Variants in HOXC4 observed in about 807,000 individuals in gnomAD.
The protein encoded by HOXC4 is homeobox protein Hox-C4.
HOXC4 carries 15 observed loss-of-function variants against 25.5 expected under a neutral mutation model. That is an observed-to-expected ratio of 0.59 (90% CI 0.39 to 0.91). The LOEUF (loss-of-function observed/expected upper bound fraction) is 0.91, where lower values mean the gene tolerates loss of function less well. HOXC4 is among the 40% of genes least tolerant of loss of function. HOXC4 has a pLI of 0.00. For missense variants in HOXC4, 342 were observed against 352.4 expected, an observed-to-expected ratio of 0.97 and a Z score of 0.24; for synonymous variants, 165 against 148.0, an observed-to-expected ratio of 1.11 and a Z score of -0.83.
rs556350746 is a variant in HOXC4, at chr12:54,054,727, G to C, written c.440-123G>C. ...TTCAACTTCTTTATAACCCATTTAA[G>C]CTTGATGACTTTATTTCCACCACTC... On this transcript the variant is annotated intron_variant, in intron 1 of 1. Coordinates refer to ENST00000430889, the MANE Select transcript of HOXC4 (RefSeq NM_153633.3). 9 of 665,754 alleles carry C rather than the reference G, an allele frequency of 1.4e-5. 1 individual carries two copies. In the South Asian group the frequency reaches 1.8e-4, roughly 13 times the overall value. The allele number at this position is 665,754 out of a possible 1,614,324, so 41.2% of individuals were successfully genotyped here. A position where few individuals can be genotyped will look rare whatever the true frequency, so the allele number is the denominator to read the frequency against.
chr12:54,029,750 C>G, intron 1 of HOXC4: 2 of 1,614,220 alleles, frequency 1.2e-6, no homozygotes, highest in Non-Finnish European at 1.7e-6. Context: ...CAATCGCTAC[C>G]TAACGCGGCG....
upstream of HOXC4, among the ~76,000 whole-genome samples, chr12:54,049,931 A>C (rs59106050): frequency 2.7e-5 from 4 of 150,716 alleles, no homozygotes; most frequent in South Asian, 8.4e-4. Context: ...GAAAGGAAAC[A>C]GAAATGTTGC....
chr12:54,050,614 C>A (rs887034681), upstream of HOXC4, among the ~76,000 whole-genome samples: 13 of 151,276 alleles, frequency 8.6e-5, no homozygotes, highest in Non-Finnish European at 1.6e-4. Context: ...TATTTCTGTG[C>A]TTGTAATAAT....
chr12:54,033,504 C>G, intron 1 of HOXC4: 1 of 1,589,142 alleles, frequency 6.3e-7, no homozygotes, highest in South Asian at 1.1e-5. Flanking sequence ...GACAGGGCAG[C>G]CCGCCGGACT....
chr12:54,034,194 G>A, intron 1 of HOXC4: 1 of 1,307,162 alleles, frequency 7.7e-7, no homozygotes, highest in Non-Finnish European at 1.1e-6. Context: ...CCGGCCGCGG[G>A]TGGGGGCCTG....
At chr12:54,039,560 A>G (rs1490259101) in intron 1 of HOXC4, among the ~76,000 whole-genome samples, 1 of 152,014 alleles carries the variant, frequency 6.6e-6, no homozygotes, top group East Asian at 1.9e-4. Flanking sequence ...ATCCCAGGGA[A>G]TTCTCTCCAG....
chr12:54,047,086 G>T (rs1937729140), intron 1 of HOXC4, among the ~76,000 whole-genome samples: 2 of 152,032 alleles, frequency 1.3e-5, no homozygotes, highest in African/African-American at 4.8e-5. Context: ...GCCCGCCAGC[G>T]CAGGGCCCAG....
At chr12:54,036,628 C>T (rs1941189282) in intron 1 of HOXC4, among the ~76,000 whole-genome samples, 1 of 152,172 alleles carries the variant, frequency 6.6e-6, no homozygotes, top group African/African-American at 2.4e-5. Context: ...GGTTAGGGCG[C>T]CTGTTGTCTC....
chr12:54,055,387 C>A lies in HOXC4; in HGVS notation c.*182C>A. On this transcript the variant is annotated 3_prime_UTR_variant, in exon 2 of 2. Transcript: ENST00000430889. ...ACAAAACAGATAAACAAACAAGCCC[C>A]CTGCCCTCCTCTCCCTCCCACTGTT... 1 of 220,696 alleles carries A rather than the reference C, an allele frequency of 4.5e-6. No individual in the cohort carries two copies. Among genetic ancestry groups the A allele is most frequent in the Non-Finnish European group, 8.6e-6 (1 of 116,084 alleles). The allele number at this position is 220,696 out of a possible 1,614,324, so 13.7% of individuals were successfully genotyped here.
chr12:54,051,419 A>G (rs766108372), upstream of HOXC4, among the ~76,000 whole-genome samples: 1 of 135,062 alleles, frequency 7.4e-6, no homozygotes, highest in Admixed American at 7.2e-5. Flanking sequence ...CCCACCACCA[A>G]TGATTAAGAC....
At chr12:54,025,447 T>C (rs1256629341) in intron 1 of HOXC4, among the ~76,000 whole-genome samples, 1 of 149,580 alleles carries the variant, frequency 6.7e-6, no homozygotes, top group African/African-American at 2.4e-5. Context: ...GAGCGAATCC[T>C]TTCAGCAAAT....
At chr12:54,029,670 C>T in intron 1 of HOXC4, 2 of 1,613,094 alleles carry the variant, frequency 1.2e-6, no homozygotes, top group East Asian at 2.2e-5. Context: ...GGCTACGGAG[C>T]GGACCGGAGG....
chr12:54,043,849 A>C (rs922703491), intron 1 of HOXC4, among the ~76,000 whole-genome samples: 30 of 151,920 alleles, frequency 2.0e-4, no homozygotes, highest in African/African-American at 7.3e-4. Context: ...CCTTGCTCAG[A>C]CATTAGAGAT....
chr12:54,035,100 C>T (rs559909411), intron 1 of HOXC4: 1 of 154,284 alleles, frequency 6.5e-6, no homozygotes, highest in South Asian at 2.0e-4. Flanking sequence ...CTCTTCCCCC[C>T]AAAACCCGGG....
At chr12:54,028,970 T>C in intron 1 of HOXC4, 1 of 1,525,800 alleles carries the variant, frequency 6.6e-7, no homozygotes, top group Non-Finnish European at 8.8e-7. Flanking sequence ...GAACTGGCTT[T>C]ATGACCGGCT....
At chr12:54,026,946 C>G (rs1032906630) in intron 1 of HOXC4, among the ~76,000 whole-genome samples, 1 of 137,734 alleles carries the variant, frequency 7.3e-6, no homozygotes, top group Non-Finnish European at 1.6e-5. Context: ...TCCCCCCCCC[C>G]AACCCACCCA....
chr12:54,026,907 G>A (rs943184679), intron 1 of HOXC4, among the ~76,000 whole-genome samples: 1 of 151,222 alleles, frequency 6.6e-6, no homozygotes, highest in Non-Finnish European at 1.5e-5. Flanking sequence ...AAAATCCGGC[G>A]ACATCCGGGT....
rs978664267 is a variant in HOXC4, at chr12:54,034,214, G to A, written c.-124+16800G>A. ...CGCGGGTGGGGGCCTGGGCTGGGGTGGGGACGGGGGAACGCTGCAAGCTAT... is the reference window on the plus strand; with the variant it reads ...CGCGGGTGGGGGCCTGGGCTGGGGTAGGGACGGGGGAACGCTGCAAGCTAT... On this transcript the variant is annotated intron_variant, in intron 1 of 3. Transcript: ENST00000303406. The A allele has an allele frequency of 1.3e-5, 19 of 1,441,716 alleles. 1 individual carries two copies. The South Asian group carries it at 2.1e-4, about 16-fold the overall frequency. The allele number at this position is 1,441,716 out of a possible 1,614,324, so 89.3% of individuals were successfully genotyped here.
chr12:54,038,924 C>T (rs987999779), intron 1 of HOXC4, among the ~76,000 whole-genome samples: 7 of 152,134 alleles, frequency 4.6e-5, no homozygotes, highest in Non-Finnish European at 8.8e-5. Flanking sequence ...GGTCAATCCT[C>T]AGGCTAGGGC....
Sources: gnomAD v4.1 joint callset for allele counts (sites outside exome capture counted in the v4.1 genomes callset) on GRCh38, gnomAD v4.1.1 for gene constraint, MANE v1.5 for transcripts, NCBI Gene and HGNC (gene_info 2026-07-23, HGNC 2026-07-21) for gene names.